IGFL2: variants seen among roughly 807,000 people sequenced by gnomAD.
IGFL2 encodes the protein insulin growth factor-like family member 2.
IGFL2 carries 7 observed loss-of-function variants against 13.9 expected under a neutral mutation model. The observed-to-expected ratio is 0.51, with a 90% CI of 0.29 to 0.95. The LOEUF (loss-of-function observed/expected upper bound fraction) is 0.95, where lower values mean the gene tolerates loss of function less well. IGFL2 is among the 40% of genes least tolerant of loss of function. IGFL2 has a pLI of 0.08. For synonymous variants in IGFL2, 55 were observed against 55.8 expected (o/e 0.99, Z 0.07); for missense variants, 138 against 147.8 (o/e 0.93, Z 0.34).
the IGFL2 span, among the ~76,000 whole-genome samples, chr19:46,135,437 C>T: frequency 3.3e-5 from 5 of 152,102 alleles, no homozygotes; most frequent in African/African-American, 4.8e-5. Context: ...GCATCTCCCC[C>T]GAGAGCCAGA....
At chr19:46,117,756 G>GGT in the IGFL2 span, among the ~76,000 whole-genome samples, 1 of 152,172 alleles carries the variant, frequency 6.6e-6, no homozygotes, top group South Asian at 2.1e-4. Flanking sequence ...TGGGATTACA[G>GGT]GTGTGAGCCA....
chr19:46,199,932 A>G, the IGFL2 span, among the ~76,000 whole-genome samples: 1 of 152,150 alleles, frequency 6.6e-6, no homozygotes, highest in Non-Finnish European at 1.5e-5. Flanking sequence ...GCTGGAGTGC[A>G]GTGGCACGAT....
chr19:46,205,617 A>C, the IGFL2 span, among the ~76,000 whole-genome samples: 12 of 152,216 alleles, frequency 7.9e-5, no homozygotes, highest in Admixed American at 4.6e-4. Context: ...AGAGAGAGAG[A>C]GAGCTGTTCT....
At chr19:46,163,601 G>A (rs953839122), downstream of IGFL2, among the ~76,000 whole-genome samples, 2 of 152,180 alleles carry the variant, frequency 1.3e-5, no homozygotes, top group African/African-American at 4.8e-5. Context: ...GTCTGAGGGT[G>A]GCAAGGACAG....
chr19:46,145,547 A>T (rs550611479), upstream of IGFL2, among the ~76,000 whole-genome samples: 8 of 149,042 alleles, frequency 5.4e-5, no homozygotes, highest in African/African-American at 2.0e-4. Flanking sequence ...CCACCTTCCC[A>T]TCTTGCTTCC....
chr19:46,143,406 T>C (rs540674337), upstream of IGFL2, among the ~76,000 whole-genome samples: 120 of 151,250 alleles, frequency 7.9e-4, 1 homozygote, highest in Middle Eastern at 0.017. Context: ...CTTCTTCTTT[T>C]TTTTTTTTTT....
chr19:46,152,913 T>G (rs1482147902), intron 1 of IGFL2, among the ~76,000 whole-genome samples: 1 of 152,236 alleles, frequency 6.6e-6, no homozygotes, highest in African/African-American at 2.4e-5. Flanking sequence ...GCTCTTTCAG[T>G]ATCATTTGAG....
upstream of IGFL2, among the ~76,000 whole-genome samples, chr19:46,146,545 A>C (rs1269583516): frequency 1.3e-5 from 2 of 152,202 alleles, no homozygotes; most frequent in Admixed American, 6.6e-5. Context: ...TAATTTGGAA[A>C]GAATTGGCAT....
the IGFL2 span, among the ~76,000 whole-genome samples, chr19:46,125,688 T>A: frequency 1.3e-5 from 2 of 152,144 alleles, no homozygotes; most frequent in Non-Finnish European, 2.9e-5. Flanking sequence ...ATTCTTAGCT[T>A]CCTGTACATG....
At chr19:46,078,828 T>C in the IGFL2 span, among the ~76,000 whole-genome samples, 1 of 151,130 alleles carries the variant, frequency 6.6e-6, no homozygotes, top group East Asian at 2.0e-4. Flanking sequence ...TCAGTAGACA[T>C]CGCGCAGGCG....
the IGFL2 span, chr19:46,190,336 C>T: frequency 6.6e-6 from 1 of 152,212 alleles, no homozygotes; most frequent in Admixed American, 6.5e-5. Flanking sequence ...TCAGCTGGGA[C>T]ATCAGGGCTC....
the IGFL2 span, among the ~76,000 whole-genome samples, chr19:46,080,151 C>T: frequency 5.9e-5 from 9 of 152,146 alleles, no homozygotes; most frequent in South Asian, 2.1e-4. Flanking sequence ...AAATGAGTCA[C>T]GGGCAGATAT....
chr19:46,147,206 ATGACTC>A (rs1416879264), upstream of IGFL2, among the ~76,000 whole-genome samples: 2 of 152,090 alleles, frequency 1.3e-5, no homozygotes, highest in Admixed American at 6.6e-5. Context: ...TTTCCCCTAA[ATGACTC>A]TGAAGAATTA....
At position 46,160,430 on chromosome 19, in the gene IGFL2, C is replaced by T; in HGVS notation, c.35C>T (p.Ser12Leu). The change falls in exon 2 of 4, where the codon TCA (serine) becomes TTA (leucine). Residue 12 changes from serine (S) to leucine (L), a missense_variant. Coordinates refer to ENST00000377693, the MANE Select transcript of IGFL2 (RefSeq NM_001135113.2). ...TCTCTCCCAGCTCCTGCTTATGTGT[C>T]AGTCTGTCTCCTCCTCTTGTGTCCA... is the stretch of plus-strand genomic sequence containing the variant. The part of the protein sequence containing the change: ...VPRIFAPAYV[S>L]VCLLLLCPRE... 3 of 1,613,548 alleles carry T rather than the reference C, an allele frequency of 1.9e-6. No individual in the cohort carries two copies. Among genetic ancestry groups the T allele is most frequent in the Non-Finnish European group, 2.5e-6 (3 of 1,179,644 alleles).
the IGFL2 span, among the ~76,000 whole-genome samples, chr19:46,123,173 G>A: frequency 1.6e-3 from 236 of 150,578 alleles, 10 homozygotes; most frequent in African/African-American, 5.5e-3. Flanking sequence ...GAAAATAACC[G>A]ATTTAGAAAC....
chr19:46,112,667 G>A, the IGFL2 span, among the ~76,000 whole-genome samples: 1 of 152,224 alleles, frequency 6.6e-6, no homozygotes, highest in Non-Finnish European at 1.5e-5. Flanking sequence ...AAATATGTTA[G>A]AGAATAGATT....
At chr19:46,131,831 C>T in the IGFL2 span, among the ~76,000 whole-genome samples, 1 of 151,968 alleles carries the variant, frequency 6.6e-6, no homozygotes, top group South Asian at 2.1e-4. Context: ...CTCAGCTACT[C>T]GGGAGGCTGA....
chr19:46,116,584 AC>A, the IGFL2 span, among the ~76,000 whole-genome samples: 1 of 152,220 alleles, frequency 6.6e-6, no homozygotes, highest in East Asian at 1.9e-4. Flanking sequence ...ACTCTGTTGC[AC>A]AGGCTAGTCT....
chr19:46,193,946 G>T, the IGFL2 span, among the ~76,000 whole-genome samples: 9 of 152,150 alleles, frequency 5.9e-5, no homozygotes, highest in Non-Finnish European at 7.3e-5. Context: ...TTCAGAAAAG[G>T]TGCATGATGA....
Sources: gnomAD v4.1 joint callset for allele counts (sites outside exome capture counted in the v4.1 genomes callset) on GRCh38, gnomAD v4.1.1 for gene constraint, MANE v1.5 for transcripts, NCBI Gene and HGNC (gene_info 2026-07-23, HGNC 2026-07-21) for gene names.